Variants in SCOC observed in about 807,000 individuals in gnomAD.
SCOC encodes short coiled-coil protein, also known as short coiled coil protein.
A neutral mutation model predicts 9.9 loss-of-function variants in SCOC; 7 were observed. The observed-to-expected ratio is 0.71, with a 90% CI of 0.40 to 1.33. SCOC has a LOEUF of 1.33. Ranked by LOEUF, SCOC falls within the 40% of genes most tolerant of loss-of-function variation. The probability of loss-of-function intolerance (pLI) is 0.01; values close to 1 mark genes in which losing one functional copy is unlikely to be tolerated. For missense variants in SCOC, 66 were observed against 89.7 expected (o/e 0.74, Z 1.07); for synonymous variants, 19 against 28.2 (o/e 0.67, Z 1.03).
At chr4:140,297,145 AATTG>A (rs1731664623) in intron 1 of SCOC, among the ~76,000 whole-genome samples, 1 of 152,086 alleles carries the variant, frequency 6.6e-6, no homozygotes, top group Non-Finnish European at 1.5e-5. Context: ...ACTGGTGCTT[AATTG>A]ATTGAATTGG....
chr4:140,284,433 T>TGGG lies in SCOC; in HGVS notation c.-19+27024_-19+27025insGGG, dbSNP rs1731173612. 4 of 152,266 alleles carry TGGG rather than the reference T, an allele frequency of 2.6e-5. No homozygotes were observed. In the East Asian group the frequency reaches 7.7e-4, roughly 29 times the overall value. 9.4% of individuals were successfully genotyped at this position (152,266 alleles called of 1,614,324 possible). A position where few individuals can be genotyped will look rare whatever the true frequency, so the allele number is the denominator to read the frequency against. On this transcript the variant is annotated intron_variant, in intron 1 of 4. Transcript: ENST00000394205. ...AGATCCATTTCATAACAACTTAATATGCTCAAGTATTTTCTGAGGGGCAAG... is the reference window on the plus strand; with the variant it reads ...AGATCCATTTCATAACAACTTAATATGGGGCTCAAGTATTTTCTGAGGGGCAAG...
At chr4:140,279,665 T>C (rs912014727) in intron 1 of SCOC, among the ~76,000 whole-genome samples, 19 of 152,228 alleles carry the variant, frequency 1.2e-4, no homozygotes, top group African/African-American at 4.3e-4. Context: ...ACCAGCCTCA[T>C]CCCATGAACT....
intron 1 of SCOC, among the ~76,000 whole-genome samples, chr4:140,303,256 G>A (rs1235757765): frequency 6.6e-6 from 1 of 152,182 alleles, no homozygotes; most frequent in Admixed American, 6.5e-5. Context: ...ATTATTATTT[G>A]TTGCGTGTTC....
At chr4:140,356,896 T>C (rs1727253396) in intron 2 of SCOC, among the ~76,000 whole-genome samples, 1 of 152,178 alleles carries the variant, frequency 6.6e-6, no homozygotes, top group Non-Finnish European at 1.5e-5. Flanking sequence ...ATTAAGTGAG[T>C]TATAATCCTC....
intron 1 of SCOC, among the ~76,000 whole-genome samples, chr4:140,319,710 C>T (rs994644811): frequency 6.6e-6 from 1 of 151,482 alleles, no homozygotes; most frequent in African/African-American, 2.4e-5. Flanking sequence ...TGTTAAAGCT[C>T]GGAGATTTAA....
At chr4:140,334,415 A>G (rs1732901789) in intron 1 of SCOC, among the ~76,000 whole-genome samples, 1 of 152,210 alleles carries the variant, frequency 6.6e-6, no homozygotes, top group South Asian at 2.1e-4. Flanking sequence ...CTGTTAGCAT[A>G]TTAAAGTATA....
At chr4:140,298,232 C>T (rs1467864188) in intron 1 of SCOC, among the ~76,000 whole-genome samples, 8 of 152,212 alleles carry the variant, frequency 5.3e-5, no homozygotes, top group Non-Finnish European at 4.4e-5. Context: ...ATGGGCTCTT[C>T]GCATCCAGCT....
chr4:140,369,901 G>T (rs1727975964), upstream of SCOC, among the ~76,000 whole-genome samples: 1 of 87,394 alleles, frequency 1.1e-5, no homozygotes, highest in Non-Finnish European at 2.0e-5. Flanking sequence ...TTTTTTAGAT[G>T]GAGTTTCGCT....
At position 140,385,594 on chromosome 4, in the gene SCOC, C is replaced by G. The variant is rs1436537902; in HGVS notation, c.*4490C>G. The stretch of plus-strand genomic sequence containing the variant: ...GTCACCCTTCCCTGTGATCTAGTCC[C>G]TTTTGTAAGAGAAATATGGTAGTTG... On this transcript the variant is annotated 3_prime_UTR_variant, in exon 4 of 4. Coordinates refer to ENST00000608372, the MANE Select transcript of SCOC (RefSeq NM_001153484.2). 3.9e-5 allele frequency: 6 copies of G among 152,226 alleles called. No homozygotes were observed. In the East Asian group the frequency reaches 1.2e-3, roughly 29 times the overall value. 9.4% of individuals were successfully genotyped at this position (152,226 alleles called of 1,614,324 possible). A position where few individuals can be genotyped will look rare whatever the true frequency, so the allele number is the denominator to read the frequency against.
rs557830539 is a variant in SCOC at position 140,291,747 on chromosome 4, A to G, written c.-19+34337A>G. ...AGGCAACGGTCATTCTCCAGGATCC[A>G]TCTGATTTCTCAGCTCTATTGGGGG... On this transcript the variant is annotated intron_variant, in intron 1 of 4. Transcript: ENST00000394205. Among the ~76,000 whole-genome samples, 3 of 152,292 alleles carry G rather than the reference A, an allele frequency of 2.0e-5. No individual in the cohort carries two copies. The East Asian group carries it at 5.8e-4, about 29-fold the overall frequency.
At chr4:140,299,469 A>G (rs1167598268) in intron 1 of SCOC, among the ~76,000 whole-genome samples, 2 of 152,110 alleles carry the variant, frequency 1.3e-5, no homozygotes, top group East Asian at 1.9e-4. Context: ...TTCAGCTGCC[A>G]GTGGGAATTT....
At chr4:140,305,679 G>A (rs1731957828) in intron 1 of SCOC, among the ~76,000 whole-genome samples, 1 of 152,204 alleles carries the variant, frequency 6.6e-6, no homozygotes, top group Non-Finnish European at 1.5e-5. Flanking sequence ...TAGACAGAGA[G>A]GAAGGTAGGG....
chr4:140,307,896 G>A (rs571725036), intron 1 of SCOC, among the ~76,000 whole-genome samples: 77 of 152,284 alleles, frequency 5.1e-4, no homozygotes, highest in African/African-American at 1.9e-3. Flanking sequence ...ATCCCAAGAA[G>A]CTAATGTTGA....
At chr4:140,342,677 T>G (rs115334023), upstream of SCOC, among the ~76,000 whole-genome samples, 1 of 152,292 alleles carries the variant, frequency 6.6e-6, no homozygotes, top group East Asian at 1.9e-4. Flanking sequence ...AAATGCTTCA[T>G]CAAATTTGGC....
intron 1 of SCOC, among the ~76,000 whole-genome samples, chr4:140,273,370 C>G (rs971360097): frequency 2.0e-5 from 3 of 152,106 alleles, no homozygotes; most frequent in African/African-American, 4.8e-5. Flanking sequence ...AATTCATATC[C>G]TTAGTTCTAA....
intron 1 of SCOC, among the ~76,000 whole-genome samples, chr4:140,328,264 C>T (rs900337081): frequency 6.6e-6 from 1 of 152,138 alleles, no homozygotes; most frequent in Non-Finnish European, 1.5e-5. Context: ...GCAGGGACCA[C>T]AACTTATTCC....
At chr4:140,260,473 C>A (rs1374183555) in intron 1 of SCOC, among the ~76,000 whole-genome samples, 1 of 152,204 alleles carries the variant, frequency 6.6e-6, no homozygotes, top group Non-Finnish European at 1.5e-5. Context: ...TGACCAGTTT[C>A]CTGGCTCTGA....
chr4:140,367,700 A>C (rs1174292471), intron 2 of SCOC, among the ~76,000 whole-genome samples: 1 of 152,188 alleles, frequency 6.6e-6, no homozygotes. Flanking sequence ...ATTTTTATAA[A>C]ATTTTAGTGA....
chr4:140,271,527 AG>A (rs1465675016), intron 1 of SCOC, among the ~76,000 whole-genome samples: 1 of 152,234 alleles, frequency 6.6e-6, no homozygotes, highest in Non-Finnish European at 1.5e-5. Flanking sequence ...TCCATCTAAA[AG>A]TAGTGCCATA....
Sources: allele counts gnomAD v4.1 joint callset (sites outside exome capture counted in the v4.1 genomes callset), GRCh38; gene constraint gnomAD v4.1.1; transcripts MANE v1.5; gene names NCBI Gene and HGNC (gene_info 2026-07-23, HGNC 2026-07-21).